TENM2: variants seen among roughly 807,000 people sequenced by gnomAD.
TENM2 encodes the protein teneurin transmembrane protein 2, also known as teneurin-2.
In TENM2, 52 loss-of-function variants were observed where a neutral mutation model predicts 245.2. The ratio of observed to expected loss-of-function variants is 0.21; its 90% CI spans 0.17 to 0.27. TENM2 has a LOEUF of 0.27. Among genes scored for constraint, TENM2 ranks in the 10% least tolerant of loss-of-function variants. The pLI is 1.00. For missense variants in TENM2, 3,046 were observed against 3,666.8 expected, an observed-to-expected ratio of 0.83 and a Z score of 4.37; for synonymous variants, 1,363 against 1,438.9, an observed-to-expected ratio of 0.95 and a Z score of 1.19.
chr5:167,302,563 C>T (rs1397633587), intron 1 of TENM2, among the ~76,000 whole-genome samples: 8 of 148,542 alleles, frequency 5.4e-5, no homozygotes, highest in African/African-American at 1.5e-4. Flanking sequence ...GAGGTCGGGG[C>T]GTGGAAATAA....
intron 3 of TENM2, among the ~76,000 whole-genome samples, chr5:167,949,831 T>C (rs937986280): frequency 6.6e-6 from 1 of 152,194 alleles, no homozygotes; most frequent in African/African-American, 2.4e-5. Flanking sequence ...TGTAATTGTC[T>C]TTTCCTTCTG....
the TENM2 span, among the ~76,000 whole-genome samples, chr5:167,222,062 GCTGA>G: frequency 2.0e-5 from 3 of 152,164 alleles, no homozygotes; most frequent in Non-Finnish European, 4.4e-5. Context: ...CAGTGTTAAA[GCTGA>G]CTAAGAACTG....
intron 2 of TENM2, among the ~76,000 whole-genome samples, chr5:167,663,944 ATATAGT>A (rs1366622221): frequency 6.6e-6 from 1 of 152,190 alleles, no homozygotes; most frequent in African/African-American, 2.4e-5. Context: ...AAATATTCAA[ATATAGT>A]TATAGGCTGA....
In TENM2 at chr5:167,359,935, C is replaced by T. The variant is rs148989562; in HGVS notation, c.227-15263C>T. Among the ~76,000 whole-genome samples, 253 of 152,230 alleles carry T rather than the reference C, an allele frequency of 1.7e-3. 2 individuals carry two copies. The highest frequency in any genetic ancestry group is 0.013 in the South Asian group (65 of 4,830). On this transcript the variant is annotated intron_variant, in intron 1 of 28. Coordinates refer to ENST00000518659, the Ensembl canonical transcript of TENM2. ...AAGACAGGAACAAAAAGCCAAATAC[C>T]GCATTTTCTCACATATAAATGGGAG...
At chr5:167,321,297 G>A (rs1387335742) in intron 1 of TENM2, among the ~76,000 whole-genome samples, 1 of 152,118 alleles carries the variant, frequency 6.6e-6, no homozygotes, top group Non-Finnish European at 1.5e-5. Context: ...GCATTTTGGG[G>A]CTGTTCAGGC....
At chr5:168,184,053 TC>T (rs1245562373) in intron 13 of TENM2, among the ~76,000 whole-genome samples, 2 of 152,132 alleles carry the variant, frequency 1.3e-5, no homozygotes, top group Non-Finnish European at 2.9e-5. Flanking sequence ...CCAGAAAGTT[TC>T]CCTGTGCCCT....
chr5:167,601,830 C>G (rs377366219), intron 2 of TENM2, among the ~76,000 whole-genome samples: 3 of 152,202 alleles, frequency 2.0e-5, no homozygotes, highest in Non-Finnish European at 2.9e-5. Flanking sequence ...AACACATTTT[C>G]CCCGGAGTTG....
intron 3 of TENM2, among the ~76,000 whole-genome samples, chr5:167,907,551 ATATATATATATATATATATATG>A (rs1439428756): frequency 9.4e-6 from 1 of 106,500 alleles, no homozygotes; most frequent in East Asian, 2.7e-4. Context: ...ATATATATAT[ATATATATATATATATATATATG>A]TATGTATTAT....
At chr5:168,062,943 A>T (rs543367555) in intron 7 of TENM2, among the ~76,000 whole-genome samples, 1 of 152,332 alleles carries the variant, frequency 6.6e-6, no homozygotes, top group African/African-American at 2.4e-5. Context: ...GGTTTACCCA[A>T]CATAGTGAAT....
At position 167,827,631 on chromosome 5, in the gene TENM2, G is replaced by GGA. The variant is rs1402609154; in HGVS notation, c.503-48354_503-48353insAG. ...TTATGGCAAGGAGCTAGGTGGGCGG[G>GGA]GGGGGGGGAACAGTTTAATGAGCGT... On this transcript the variant is annotated intron_variant, in intron 2 of 28. Transcript: ENST00000518659. 2.6e-4 allele frequency among the ~76,000 whole-genome samples: 34 copies of GGA among 128,504 alleles called. 3 individuals are homozygous for GGA. The highest frequency in any genetic ancestry group is 2.3e-4 in the African/African-American group (8 of 34,964). The allele number at this position is 128,504 out of a possible 152,430, so 84.3% of individuals were successfully genotyped here. A position where few individuals can be genotyped will look rare whatever the true frequency, so the allele number is the denominator to read the frequency against.
intron 5 of TENM2, among the ~76,000 whole-genome samples, chr5:167,998,726 G>A (rs1159348174): frequency 1.3e-5 from 2 of 152,026 alleles, no homozygotes; most frequent in African/African-American, 2.4e-5. Flanking sequence ...TTTCACTACA[G>A]TAATTCCTGC....
chr5:168,165,647 AACCC>A (rs1400361257), intron 13 of TENM2, among the ~76,000 whole-genome samples: 181 of 15,856 alleles, frequency 0.011, 1 homozygote, highest in East Asian at 0.03. Flanking sequence ...TCCCCCCCCC[AACCC>A]CCCCCCCCCC....
chr5:167,141,848 G>A, the TENM2 span, among the ~76,000 whole-genome samples: 1 of 152,160 alleles, frequency 6.6e-6, no homozygotes, highest in Non-Finnish European at 1.5e-5. Flanking sequence ...AAAGAATAAT[G>A]TGGGACTGAT....
intron 5 of TENM2, among the ~76,000 whole-genome samples, chr5:168,031,034 C>G (rs1442178840): frequency 6.6e-6 from 1 of 152,170 alleles, no homozygotes; most frequent in Non-Finnish European, 1.5e-5. Flanking sequence ...TCCACCCCAA[C>G]TGCACCCCCC....
At chr5:167,089,519 G>C in the TENM2 span, among the ~76,000 whole-genome samples, 1 of 152,092 alleles carries the variant, frequency 6.6e-6, no homozygotes, top group African/African-American at 2.4e-5. Flanking sequence ...CTCTTTCAAA[G>C]AATTAACATG....
At chr5:167,869,730 A>T (rs1211058628) in intron 2 of TENM2, among the ~76,000 whole-genome samples, 1 of 152,178 alleles carries the variant, frequency 6.6e-6, no homozygotes, top group East Asian at 1.9e-4. Flanking sequence ...ATATCTTGTC[A>T]CACAGCCCTC....
intron 2 of TENM2, among the ~76,000 whole-genome samples, chr5:167,425,394 T>A (rs893414308): frequency 6.6e-6 from 1 of 152,154 alleles, no homozygotes; most frequent in Non-Finnish European, 1.5e-5. Context: ...AACACCCAGC[T>A]CCTAGGATGG....
the TENM2 span, among the ~76,000 whole-genome samples, chr5:167,236,606 T>A: frequency 1.7e-4 from 26 of 152,174 alleles, no homozygotes; most frequent in Non-Finnish European, 3.4e-4. Flanking sequence ...TTCAAATGGT[T>A]CATGTGGTGG....
intron 2 of TENM2, among the ~76,000 whole-genome samples, chr5:167,839,839 T>C (rs926045678): frequency 1.5e-4 from 23 of 152,330 alleles, no homozygotes; most frequent in African/African-American, 5.5e-4. Flanking sequence ...TTTTTTGAGA[T>C]GGAATTTTGC....
Sources: allele counts gnomAD v4.1 joint callset (sites outside exome capture counted in the v4.1 genomes callset), GRCh38; gene constraint gnomAD v4.1.1; transcripts MANE v1.5; gene names NCBI Gene and HGNC (gene_info 2026-07-23, HGNC 2026-07-21).